TP63: variants seen among roughly 807,000 people sequenced by gnomAD.
TP63 encodes tumor protein p63.
TP63 carries 17 observed loss-of-function variants against 82.8 expected under a neutral mutation model. The observed-to-expected ratio is 0.21, with a 90% CI of 0.14 to 0.31. The LOEUF (loss-of-function observed/expected upper bound fraction) is 0.31. TP63 is among the 10% of genes least tolerant of loss of function. The pLI is 1.00. For synonymous variants in TP63, 330 were observed against 321.7 expected (o/e 1.03, Z -0.28); for missense variants, 648 against 895.3 (o/e 0.72, Z 3.52).
At chr3:189,709,721 A>G (rs150765263) in intron 1 of TP63, among the ~76,000 whole-genome samples, 75 of 152,286 alleles carry the variant, frequency 4.9e-4, no homozygotes, top group African/African-American at 1.8e-3. Flanking sequence ...TCTTCAGATC[A>G]TTTGTCCTGT....
chr3:189,612,785 T>C, the TP63 span, among the ~76,000 whole-genome samples: 1 of 152,162 alleles, frequency 6.6e-6, no homozygotes, highest in Non-Finnish European at 1.5e-5. Context: ...CAAATGGAAA[T>C]GAGGAACTTG....
intron 1 of TP63, among the ~76,000 whole-genome samples, chr3:189,677,320 A>G (rs1310364133): frequency 6.8e-6 from 1 of 147,156 alleles, no homozygotes; most frequent in Non-Finnish European, 1.5e-5. Flanking sequence ...TATTCTATAT[A>G]CACACACATA....
intron 1 of TP63, among the ~76,000 whole-genome samples, chr3:189,718,313 G>GC (rs1320205722): frequency 5.7e-5 from 1 of 17,606 alleles, no homozygotes; most frequent in Non-Finnish European, 3.8e-4. Flanking sequence ...ACCTGAGACT[G>GC]GGAATTTACA....
intron 3 of TP63, among the ~76,000 whole-genome samples, chr3:189,783,009 T>C (rs911570504): frequency 6.6e-6 from 1 of 152,072 alleles, no homozygotes; most frequent in Non-Finnish European, 1.5e-5. Context: ...TTTTTGTCTT[T>C]TAATTGAATA....
intron 1 of TP63, among the ~76,000 whole-genome samples, chr3:189,660,563 A>G (rs1241356927): frequency 6.6e-6 from 1 of 152,020 alleles, no homozygotes; most frequent in Non-Finnish European, 1.5e-5. Flanking sequence ...TTTGCTCCAT[A>G]TGAATTTTAG....
chr3:189,643,956 G>C (rs1712164795), intron 1 of TP63, among the ~76,000 whole-genome samples: 1 of 152,128 alleles, frequency 6.6e-6, no homozygotes, highest in African/African-American at 2.4e-5. Flanking sequence ...TCTTCAGAAA[G>C]CTCTCCTCTG....
At chr3:189,790,431 T>G (rs368567881) in intron 3 of TP63, among the ~76,000 whole-genome samples, 1 of 152,056 alleles carries the variant, frequency 6.6e-6, no homozygotes, top group African/African-American at 2.4e-5. Flanking sequence ...ACAAATAAAG[T>G]TATTTTGGAG....
In TP63 at chr3:189,892,559, G is replaced by C. The variant is rs191413136; in HGVS notation, c.1747-1647G>C. 3.9e-5 allele frequency among the ~76,000 whole-genome samples: 6 copies of C among 152,272 alleles called. No homozygotes were observed. In the East Asian group the frequency reaches 1.2e-3, roughly 29 times the overall value. ...TGTAATCCCAGCACTTTGGGAGGCC[G>C]AGGCAGGCGGATCACGAGGTCAGGA... On this transcript the variant is annotated intron_variant, in intron 13 of 13. Transcript: ENST00000264731.
Position 189,750,132 on chromosome 3 carries a change from A to G in TP63, c.324+11358A>G, listed in dbSNP as rs1272361101. Among the ~76,000 whole-genome samples, 4 of 152,082 alleles carry G rather than the reference A, an allele frequency of 2.6e-5. No homozygotes were observed. The South Asian group carries it at 8.3e-4, about 32-fold the overall frequency. Reference sequence around the variant, plus strand: ...GGGTGAGACTCTGTCTCAGAAAAAAAAAAAAAAAAAAAGGAATGAAATATT... The same window carrying G: ...GGGTGAGACTCTGTCTCAGAAAAAAGAAAAAAAAAAAAGGAATGAAATATT... On this transcript the variant is annotated intron_variant, in intron 3 of 13. Transcript: ENST00000264731.
rs866175902 is a variant in TP63, at chr3:189,873,448, A to G, written c.1349+453A>G. ...CCAGGGATAGCAAATAGGCTTTACT[A>G]TAATATAAAGTGACTTGTTTGAATG... On this transcript the variant is annotated intron_variant, in intron 10 of 13. Transcript: ENST00000264731. 8 of 225,922 alleles carry G rather than the reference A, an allele frequency of 3.5e-5. No homozygotes were observed. The Middle Eastern group carries it at 5.5e-3, about 155-fold the overall frequency. The allele number at this position is 225,922 out of a possible 1,614,324, so 14.0% of individuals were successfully genotyped here. A position where few individuals can be genotyped will look rare whatever the true frequency, so the allele number is the denominator to read the frequency against.
chr3:189,750,139 A>T (rs1323488137), intron 3 of TP63, among the ~76,000 whole-genome samples: 1 of 152,010 alleles, frequency 6.6e-6, no homozygotes, highest in African/African-American at 2.4e-5. Flanking sequence ...AAAAAAAAAA[A>T]AAAAAGGAAT....
intron 1 of TP63, among the ~76,000 whole-genome samples, chr3:189,638,705 G>A (rs190389388): frequency 7.9e-4 from 121 of 152,242 alleles, no homozygotes; most frequent in African/African-American, 2.7e-3. Flanking sequence ...GTGGTTATCA[G>A]ACCACACTTG....
Position 189,813,998 on chromosome 3 carries a change from A to G in TP63, c.579+5472A>G, listed in dbSNP as rs572987191. ...GAGAATTTGACTTGAGCAAGTGGAG[A>G]GATTAGGGAGGTGGCGTTTGAAAGG... On this transcript the variant is annotated intron_variant, in intron 4 of 13. Coordinates refer to ENST00000264731, the MANE Select transcript of TP63 (RefSeq NM_003722.5). 8.0e-4 allele frequency among the ~76,000 whole-genome samples: 121 copies of G among 152,010 alleles called. 1 individual carries two copies. Among genetic ancestry groups the G allele is most frequent in the African/African-American group, 2.8e-3 (118 of 41,452 alleles).
chr3:189,615,465 G>A, the TP63 span, among the ~76,000 whole-genome samples: 1,944 of 152,186 alleles, frequency 0.013, 45 homozygotes, highest in African/African-American at 0.044. Context: ...TTAATGGCAC[G>A]CATCACATTA....
At chr3:189,722,115 C>A (rs978188232) in intron 1 of TP63, among the ~76,000 whole-genome samples, 4 of 152,138 alleles carry the variant, frequency 2.6e-5, no homozygotes, top group African/African-American at 9.7e-5. Flanking sequence ...AACTGGTGAG[C>A]CTTCCTAGGA....
At position 189,864,506 on chromosome 3, in the gene TP63, T is replaced by TC; in HGVS notation, c.766+89dup. On this transcript the variant is annotated intron_variant, in intron 5 of 13. Coordinates refer to ENST00000264731, the MANE Select transcript of TP63 (RefSeq NM_003722.5). ...TTTGTTTGAGACCCACCTACCTGAT[T>TC]CAGACTTCTGCACTCCGATGGCAGA... is the stretch of plus-strand genomic sequence containing the variant. 5.2e-6 allele frequency: 7 copies of TC among 1,356,302 alleles called. No homozygotes were observed. The South Asian group carries it at 1.0e-4, about 20-fold the overall frequency. The allele number at this position is 1,356,302 out of a possible 1,614,324, so 84.0% of individuals were successfully genotyped here. A position where few individuals can be genotyped will look rare whatever the true frequency, so the allele number is the denominator to read the frequency against.
chr3:189,777,954 C>G (rs1052863378), intron 3 of TP63, among the ~76,000 whole-genome samples: 3 of 141,114 alleles, frequency 2.1e-5, no homozygotes, highest in East Asian at 4.5e-4. Flanking sequence ...CTTCCGGGTT[C>G]AAGTGATTCT....
intron 1 of TP63, among the ~76,000 whole-genome samples, chr3:189,669,910 G>A (rs1466989374): frequency 2.0e-5 from 3 of 151,942 alleles, no homozygotes. Flanking sequence ...AAAATGGTAG[G>A]TTTAAACATG....
chr3:189,861,489 C>T (rs1187777990), intron 4 of TP63, among the ~76,000 whole-genome samples: 1 of 152,104 alleles, frequency 6.6e-6, no homozygotes, highest in Non-Finnish European at 1.5e-5. Context: ...CAGAGGGCCT[C>T]ATAAAGTCCT....
Sources: allele counts gnomAD v4.1 joint callset (sites outside exome capture counted in the v4.1 genomes callset), GRCh38; gene constraint gnomAD v4.1.1; transcripts MANE v1.5; gene names NCBI Gene and HGNC (gene_info 2026-07-23, HGNC 2026-07-21).